SGCZ: variants seen among roughly 807,000 people sequenced by gnomAD.
The protein encoded by SGCZ is sarcoglycan zeta, also known as zeta-sarcoglycan.
Under a neutral mutation model 41.3 loss-of-function variants are expected in SGCZ, and 40 were observed. The observed-to-expected ratio is 0.97, with a 90% CI of 0.75 to 1.26. The LOEUF (loss-of-function observed/expected upper bound fraction) is 1.26. Ranked by LOEUF, SGCZ falls within the 50% of genes most tolerant of loss-of-function variation. SGCZ has a pLI of 0.00. For missense variants in SGCZ, 552 were observed against 369.8 expected, an observed-to-expected ratio of 1.49 and a Z score of -4.04; for synonymous variants, 206 against 137.5, an observed-to-expected ratio of 1.50 and a Z score of -3.49.
chr8:14,615,533 C>A (rs1044250977), intron 1 of SGCZ, among the ~76,000 whole-genome samples: 12 of 152,118 alleles, frequency 7.9e-5, no homozygotes, highest in African/African-American at 2.7e-4. Context: ...TAACAAGTAT[C>A]AAGAATATAG....
At chr8:14,136,873 AG>A (rs535975125) in intron 5 of SGCZ, among the ~76,000 whole-genome samples, 46 of 152,300 alleles carry the variant, frequency 3.0e-4, no homozygotes, top group Admixed American at 2.4e-3. Context: ...ACCCCTCAGT[AG>A]TCTAAATGGG....
chr8:14,575,160 G>A (rs1395756374), intron 1 of SGCZ, among the ~76,000 whole-genome samples: 1 of 152,126 alleles, frequency 6.6e-6, no homozygotes, highest in East Asian at 1.9e-4. Flanking sequence ...AAATAATTTT[G>A]GGAAAAGTAA....
chr8:14,763,552 T>C (rs976567612), intron 1 of SGCZ, among the ~76,000 whole-genome samples: 35 of 152,156 alleles, frequency 2.3e-4, no homozygotes, highest in Admixed American at 1.6e-3. Flanking sequence ...CGAAAGTGTC[T>C]TTATTATTCA....
chr8:14,143,424 G>A (rs1411715780), intron 5 of SGCZ, among the ~76,000 whole-genome samples: 1 of 152,144 alleles, frequency 6.6e-6, no homozygotes, highest in African/African-American at 2.4e-5. Flanking sequence ...AAATCCCAAG[G>A]AATGTGAAAA....
chr8:14,317,351 A>C (rs566934021), intron 3 of SGCZ, among the ~76,000 whole-genome samples: 1 of 152,122 alleles, frequency 6.6e-6, no homozygotes, highest in South Asian at 2.1e-4. Flanking sequence ...GGGGTTAACT[A>C]AAGTTACAAG....
intron 1 of SGCZ, among the ~76,000 whole-genome samples, chr8:14,962,418 A>T (rs1487608768): frequency 5.9e-5 from 9 of 151,942 alleles, no homozygotes; most frequent in Non-Finnish European, 1.3e-4. Context: ...ACAATTTATG[A>T]TCTATCATAC....
intron 1 of SGCZ, among the ~76,000 whole-genome samples, chr8:15,088,440 A>T (rs1327291155): frequency 6.6e-6 from 1 of 152,144 alleles, no homozygotes; most frequent in Non-Finnish European, 1.5e-5. Context: ...GAAAAATTTA[A>T]TGTGTTTCTC....
intron 1 of SGCZ, among the ~76,000 whole-genome samples, chr8:15,207,574 C>A (rs527956687): frequency 1.1e-4 from 17 of 152,208 alleles, no homozygotes; most frequent in Non-Finnish European, 1.9e-4. Flanking sequence ...GCACAATGAT[C>A]ATTTTTGCAG....
chr8:14,213,367 A>G (rs1563189292), intron 4 of SGCZ, among the ~76,000 whole-genome samples: 1 of 152,152 alleles, frequency 6.6e-6, no homozygotes, highest in African/African-American at 2.4e-5. Flanking sequence ...TTTCATCAGA[A>G]ACCATGGAGA....
chr8:14,573,115 C>T (rs752652832), intron 1 of SGCZ, among the ~76,000 whole-genome samples: 2 of 150,660 alleles, frequency 1.3e-5, no homozygotes, highest in Non-Finnish European at 1.5e-5. Flanking sequence ...GTAACCACTT[C>T]AGATAGCAAA....
intron 2 of SGCZ, among the ~76,000 whole-genome samples, chr8:14,521,621 A>G (rs1182885765): frequency 6.6e-6 from 1 of 152,176 alleles, no homozygotes; most frequent in Non-Finnish European, 1.5e-5. Flanking sequence ...ACATTCATGT[A>G]CAGGTTTTTG....
rs1488189174 is a variant in SGCZ at position 14,612,967 on chromosome 8, T to G, written c.40-58041A>C. 4.6e-5 allele frequency among the ~76,000 whole-genome samples: 7 copies of G among 152,302 alleles called. No individual in the cohort carries two copies. The East Asian group carries it at 5.8e-4, about 13-fold the overall frequency. On this transcript the variant is annotated intron_variant, in intron 1 of 7. Coordinates refer to ENST00000382080, the MANE Select transcript of SGCZ (RefSeq NM_139167.4). ...TCCCAAAGTGCTGGGATTACAGGCG[T>G]GAGCCACCATGCCCAGGAAAAAGCA... is the stretch of plus-strand genomic sequence containing the variant.
chr8:14,256,946 A>C (rs527529440), intron 3 of SGCZ, among the ~76,000 whole-genome samples: 1 of 152,296 alleles, frequency 6.6e-6, no homozygotes, highest in East Asian at 1.9e-4. Flanking sequence ...TAGAGTATTC[A>C]TTTGTTAATC....
chr8:15,155,396 G>A (rs573457443), intron 1 of SGCZ, among the ~76,000 whole-genome samples: 1 of 152,254 alleles, frequency 6.6e-6, no homozygotes, highest in South Asian at 2.1e-4. Context: ...ATATCATACT[G>A]TACCCCATAA....
chr8:14,395,385 AG>A (rs898828859), intron 2 of SGCZ, among the ~76,000 whole-genome samples: 1 of 152,206 alleles, frequency 6.6e-6, no homozygotes, highest in African/African-American at 2.4e-5. Flanking sequence ...AACATGACAT[AG>A]GAAGTATAGC....
At chr8:14,699,997 A>G (rs1809083962) in intron 1 of SGCZ, among the ~76,000 whole-genome samples, 2 of 152,018 alleles carry the variant, frequency 1.3e-5, no homozygotes. Flanking sequence ...CTTTTATAAC[A>G]TTGTTGGCAG....
chr8:15,001,728 C>CAAA (rs1223307583), intron 1 of SGCZ, among the ~76,000 whole-genome samples: 91 of 80,616 alleles, frequency 1.1e-3, no homozygotes, highest in Non-Finnish European at 1.3e-3. Context: ...GACTCCGTCT[C>CAAA]AAAAAAAAAA....
chr8:14,377,738 T>A (rs1205986501), intron 2 of SGCZ, among the ~76,000 whole-genome samples: 1 of 151,460 alleles, frequency 6.6e-6, no homozygotes, highest in Non-Finnish European at 1.5e-5. Flanking sequence ...GTCCATGTGA[T>A]CTCATTGTTC....
intron 1 of SGCZ, among the ~76,000 whole-genome samples, chr8:14,901,241 A>G (rs1798955538): frequency 1.3e-5 from 2 of 152,176 alleles, no homozygotes; most frequent in African/African-American, 4.8e-5. Context: ...CACTTAAGAA[A>G]TAATTGCTCC....
Sources: allele counts gnomAD v4.1 joint callset (sites outside exome capture counted in the v4.1 genomes callset), GRCh38; gene constraint gnomAD v4.1.1; transcripts MANE v1.5; gene names NCBI Gene and HGNC (gene_info 2026-07-23, HGNC 2026-07-21).